CDH12: variants seen among roughly 807,000 people sequenced by gnomAD.
CDH12 encodes the protein cadherin 12, also known as cadherin-12.
Under a neutral mutation model 74.1 loss-of-function variants are expected in CDH12, and 41 were observed. The ratio of observed to expected loss-of-function variants is 0.55; its 90% CI spans 0.43 to 0.72. The LOEUF (loss-of-function observed/expected upper bound fraction) is 0.72. Ranked by LOEUF, CDH12 falls within the 30% of genes least tolerant of loss-of-function variation. CDH12 has a pLI of 0.00. For synonymous variants in CDH12, 399 were observed against 355.0 expected (o/e 1.12, Z -1.39); for missense variants, 945 against 977.2 (o/e 0.97, Z 0.44).
At chr5:22,047,870 G>A (rs1284503513) in intron 5 of CDH12, among the ~76,000 whole-genome samples, 1 of 152,192 alleles carries the variant, frequency 6.6e-6, no homozygotes, top group Non-Finnish European at 1.5e-5. Context: ...ATATGTGTGA[G>A]ATGGTCACAC....
chr5:22,796,518 T>A (rs200972714), intron 1 of CDH12, among the ~76,000 whole-genome samples: 1 of 90,396 alleles, frequency 1.1e-5, no homozygotes, highest in Non-Finnish European at 2.0e-5. Context: ...TTTTATCTTT[T>A]TTTTTTTTTT....
intron 4 of CDH12, among the ~76,000 whole-genome samples, chr5:22,119,754 T>A (rs927468686): frequency 6.6e-6 from 1 of 152,172 alleles, no homozygotes; most frequent in Non-Finnish European, 1.5e-5. Context: ...CACAAAGTAG[T>A]GTCATTTGCA....
intron 3 of CDH12, among the ~76,000 whole-genome samples, chr5:22,402,022 A>G (rs1027057693): frequency 6.6e-6 from 1 of 152,220 alleles, no homozygotes; most frequent in African/African-American, 2.4e-5. Context: ...GGCCTTCAGA[A>G]CTTTGAGACA....
intron 1 of CDH12, among the ~76,000 whole-genome samples, chr5:22,548,441 C>T (rs1014341054): frequency 6.6e-6 from 1 of 152,022 alleles, no homozygotes; most frequent in Non-Finnish European, 1.5e-5. Flanking sequence ...ATAAAAACAG[C>T]ATATCCAGTG....
chr5:22,367,107 A>C (rs1163250716), intron 3 of CDH12, among the ~76,000 whole-genome samples: 1 of 152,184 alleles, frequency 6.6e-6, no homozygotes, highest in African/African-American at 2.4e-5. Context: ...TCTTTTGGTT[A>C]CTTGTATTTT....
rs369211772 is a variant in CDH12, at chr5:22,689,464, A to G, written c.-523+163594T>C. Among the ~76,000 whole-genome samples the G allele has an allele frequency of 6.6e-5, 10 of 152,316 alleles. No individual in the cohort carries two copies. The East Asian group carries it at 1.5e-3, about 24-fold the overall frequency. ...ATCTTTGAAGACTTTTCCCAAAGCT[A>G]CAGTGAAAGTGTTACAAATAGCAAA... On this transcript the variant is annotated intron_variant, in intron 1 of 14. Coordinates refer to ENST00000382254, the MANE Select transcript of CDH12 (RefSeq NM_004061.5).
chr5:21,791,104 T>C (rs1169209294), intron 10 of CDH12, among the ~76,000 whole-genome samples: 3 of 152,076 alleles, frequency 2.0e-5, no homozygotes, highest in African/African-American at 4.8e-5. Flanking sequence ...CAGCTAAGCA[T>C]CTTCAACATC....
chr5:22,269,650 T>A (rs1266195154), intron 3 of CDH12, among the ~76,000 whole-genome samples: 1 of 152,166 alleles, frequency 6.6e-6, no homozygotes, highest in East Asian at 1.9e-4. Context: ...AGGCAGCCAG[T>A]TAGTTGATGA....
At chr5:22,683,962 G>C (rs575581391) in intron 1 of CDH12, among the ~76,000 whole-genome samples, 1 of 152,136 alleles carries the variant, frequency 6.6e-6, no homozygotes, top group Non-Finnish European at 1.5e-5. Context: ...ATTCTTCTTT[G>C]TTAACGTAAA....
intron 1 of CDH12, among the ~76,000 whole-genome samples, chr5:22,542,036 C>T (rs1396354752): frequency 6.6e-6 from 1 of 152,194 alleles, no homozygotes; most frequent in African/African-American, 2.4e-5. Context: ...TTACAGATCA[C>T]TTTCCTGAGT....
rs1736440308 is a variant in CDH12 at position 22,507,623 on chromosome 5, C to T, written c.-522-2259G>A. Among the ~76,000 whole-genome samples, 5 of 152,240 alleles carry T rather than the reference C, an allele frequency of 3.3e-5. No homozygotes were observed. The South Asian group carries it at 8.3e-4, about 25-fold the overall frequency. The stretch of plus-strand genomic sequence containing the variant: ...AGGTTTAAAAAACATTAAAGTGAGA[C>T]ATAAACTTCCAAGAAATTCTAAGCC... On this transcript the variant is annotated intron_variant, in intron 1 of 14. Transcript: ENST00000382254.
At chr5:22,689,020 C>T (rs1025287564) in intron 1 of CDH12, among the ~76,000 whole-genome samples, 1 of 151,950 alleles carries the variant, frequency 6.6e-6, no homozygotes, top group Non-Finnish European at 1.5e-5. Flanking sequence ...ATATTCACAG[C>T]CTGAATTAAA....
chr5:22,030,112 G>T (rs916318662), intron 5 of CDH12, among the ~76,000 whole-genome samples: 3 of 148,156 alleles, frequency 2.0e-5, no homozygotes, highest in Non-Finnish European at 4.5e-5. Context: ...GGGGACGGTT[G>T]TGGGGTGGGG....
At chr5:22,188,930 T>G (rs1750116090) in intron 4 of CDH12, among the ~76,000 whole-genome samples, 1 of 152,224 alleles carries the variant, frequency 6.6e-6, no homozygotes. Flanking sequence ...GAAAGCAATT[T>G]GCTCAGTAGC....
At chr5:22,784,742 C>A (rs902290252) in intron 1 of CDH12, among the ~76,000 whole-genome samples, 8 of 151,996 alleles carry the variant, frequency 5.3e-5, no homozygotes. Context: ...GTTTTCTATC[C>A]CAGAGACATT....
chr5:21,778,845 T>C (rs1745747885), intron 11 of CDH12, among the ~76,000 whole-genome samples: 1 of 152,132 alleles, frequency 6.6e-6, no homozygotes, highest in Non-Finnish European at 1.5e-5. Context: ...GAATTATAGG[T>C]ACCAATCTTG....
At chr5:22,707,463 A>C (rs1293314657) in intron 1 of CDH12, among the ~76,000 whole-genome samples, 1 of 152,152 alleles carries the variant, frequency 6.6e-6, no homozygotes, top group African/African-American at 2.4e-5. Context: ...ACTTTCATCT[A>C]AAGTGTATGC....
intron 6 of CDH12, among the ~76,000 whole-genome samples, chr5:21,863,845 A>G (rs8180523): frequency 0.022 from 3,386 of 152,304 alleles, 105 homozygotes; most frequent in East Asian, 0.14. Context: ...AACGTTTCTC[A>G]GAACTGATGC....
chr5:22,059,845 T>A (rs1400351556), intron 5 of CDH12, among the ~76,000 whole-genome samples: 1 of 152,162 alleles, frequency 6.6e-6, no homozygotes, highest in Non-Finnish European at 1.5e-5. Context: ...ATTCTTACAT[T>A]TTAATGAAAG....
Sources: allele counts gnomAD v4.1 joint callset (sites outside exome capture counted in the v4.1 genomes callset), GRCh38; gene constraint gnomAD v4.1.1; transcripts MANE v1.5; gene names NCBI Gene and HGNC (gene_info 2026-07-23, HGNC 2026-07-21).